CD247: variants seen among roughly 807,000 people sequenced by gnomAD.
The protein encoded by CD247 is T-cell surface glycoprotein CD3 zeta chain.
CD247 carries 13 observed loss-of-function variants against 30.0 expected under a neutral mutation model. The observed-to-expected ratio is 0.43, with a 90% CI of 0.28 to 0.69. The LOEUF (loss-of-function observed/expected upper bound fraction) is 0.69, where lower values mean the gene tolerates loss of function less well. CD247 is among the 30% of genes least tolerant of loss of function. The pLI is 0.16. For missense variants in CD247, 193 were observed against 212.6 expected (o/e 0.91, Z 0.57); for synonymous variants, 72 against 80.0 (o/e 0.90, Z 0.53).
chr1:167,466,767 AGCCCCTT>A (rs1653266838), intron 1 of CD247, among the ~76,000 whole-genome samples: 1 of 152,160 alleles, frequency 6.6e-6, no homozygotes, highest in South Asian at 2.1e-4. Flanking sequence ...AACAGGCTGG[AGCCCCTT>A]GATTAGTTAG....
intron 1 of CD247, among the ~76,000 whole-genome samples, chr1:167,449,810 C>T (rs946048654): frequency 6.6e-6 from 1 of 152,008 alleles, no homozygotes; most frequent in Non-Finnish European, 1.5e-5. Context: ...ATAATCCCAG[C>T]TACTTGGGAG....
chr1:167,461,798 A>G (rs1209643638), intron 1 of CD247, among the ~76,000 whole-genome samples: 1 of 151,996 alleles, frequency 6.6e-6, no homozygotes. Context: ...CAGTGAGCCG[A>G]GATCACGCCA....
intron 1 of CD247, among the ~76,000 whole-genome samples, chr1:167,504,154 C>A (rs2102104142): frequency 6.6e-6 from 1 of 152,298 alleles, no homozygotes; most frequent in African/African-American, 2.4e-5. Context: ...TCCTGCTAGC[C>A]ATGGACCCCC....
intron 4 of CD247, among the ~76,000 whole-genome samples, chr1:167,437,750 C>T (rs1651617462): frequency 6.6e-6 from 1 of 152,124 alleles, no homozygotes; most frequent in Non-Finnish European, 1.5e-5. Context: ...TCACAGGGTA[C>T]AAAGCCTCAA....
At chr1:167,499,417 G>A (rs772737846) in intron 1 of CD247, among the ~76,000 whole-genome samples, 1 of 152,118 alleles carries the variant, frequency 6.6e-6, no homozygotes, top group African/African-American at 2.4e-5. Flanking sequence ...TTTTATTTCT[G>A]GGAAATTGTT....
At position 167,438,593 on chromosome 1, in the gene CD247, C is replaced by A. The variant is rs770320255; in HGVS notation, c.277G>T (p.Asp93Tyr). 3 of 1,614,066 alleles carry A rather than the reference C, an allele frequency of 1.9e-6. No homozygotes were observed. In the Admixed American group the frequency reaches 5.0e-5, roughly 27 times the overall value. ...YDVLDKRRGRDPEMGGKPQRR... is the reference protein window; with the variant it reads ...YDVLDKRRGRYPEMGGKPQRR... ...ACCGGCTTTCCCCCCATCTCAGGGT[C>A]CCGGCCACGTCTCTTGTCCAAAACA... The change falls in exon 4 of 8, where the codon GAC becomes TAC. Residue 93 changes from aspartate to tyrosine, a missense_variant. Asp to Tyr is a radical substitution (Grantham distance 160). Coordinates refer to ENST00000362089, the MANE Select transcript of CD247 (RefSeq NM_198053.3).
chr1:167,459,637 G>C (rs1238912401), intron 1 of CD247: 2 of 152,216 alleles, frequency 1.3e-5, no homozygotes, highest in Non-Finnish European at 2.9e-5. Context: ...ATAGGCTTGA[G>C]CCACTGTGCC....
At chr1:167,500,186 T>C (rs557114607) in intron 1 of CD247, among the ~76,000 whole-genome samples, 2 of 152,332 alleles carry the variant, frequency 1.3e-5, no homozygotes, top group African/African-American at 4.8e-5. Context: ...AAGAGGACAA[T>C]ATATCGCACT....
At position 167,484,378 on chromosome 1, in the gene CD247, G is replaced by A. The variant is rs534509718; in HGVS notation, c.58+34030C>T. ...ACAGCAGGGGCTTCTCCAGCTCCCT[G>A]AAGTCCCCTCTGTACACCCTTCCCC... On this transcript the variant is annotated intron_variant, in intron 1 of 7. Coordinates refer to ENST00000362089, the MANE Select transcript of CD247 (RefSeq NM_198053.3). Among the ~76,000 whole-genome samples the A allele has an allele frequency of 2.6e-5, 4 of 152,314 alleles. No homozygotes were observed. In the South Asian group the frequency reaches 8.3e-4, roughly 32 times the overall value.
At chr1:167,496,563 T>G (rs1328179902) in intron 1 of CD247, among the ~76,000 whole-genome samples, 1 of 152,160 alleles carries the variant, frequency 6.6e-6, no homozygotes, top group African/African-American at 2.4e-5. Context: ...AGAGTCTGAC[T>G]CTACAGAGCG....
At chr1:167,460,746 G>T (rs944824964) in intron 1 of CD247, among the ~76,000 whole-genome samples, 5 of 152,030 alleles carry the variant, frequency 3.3e-5, no homozygotes, top group Non-Finnish European at 7.4e-5. Context: ...CCAGCCCCCT[G>T]ACCCCCCGAC....
intron 1 of CD247, among the ~76,000 whole-genome samples, chr1:167,462,275 G>A (rs1653053588): frequency 6.6e-6 from 1 of 152,220 alleles, no homozygotes; most frequent in South Asian, 2.1e-4. Context: ...TTACCAGCCA[G>A]CGTCCCTGAA....
At chr1:167,441,998 C>T (rs1247419352) in intron 1 of CD247, among the ~76,000 whole-genome samples, 1 of 152,114 alleles carries the variant, frequency 6.6e-6, no homozygotes, top group East Asian at 1.9e-4. Flanking sequence ...TTGATCACAG[C>T]CACTCTGGAG....
chr1:167,455,017 A>G (rs988434662), intron 1 of CD247, among the ~76,000 whole-genome samples: 1 of 152,094 alleles, frequency 6.6e-6, no homozygotes, highest in Non-Finnish European at 1.5e-5. Flanking sequence ...GAGCTCCCCG[A>G]GCCGGGGCCA....
intron 1 of CD247, among the ~76,000 whole-genome samples, chr1:167,461,510 A>G (rs1653004109): frequency 6.6e-6 from 1 of 152,182 alleles, no homozygotes; most frequent in East Asian, 1.9e-4. Flanking sequence ...GCTTTCCCTT[A>G]TTTTCCAAGT....
chr1:167,434,171 C>T (rs1365348192), intron 5 of CD247, 95 bp from the exon 6 acceptor site: 10 of 1,116,028 alleles, frequency 9.0e-6, no homozygotes, highest in Non-Finnish European at 1.2e-5. Context: ...CCCAAGTTGG[C>T]AGCAGTGGCA....
rs756693725 is a variant in CD247, at chr1:167,439,318, G to A, written c.219+26C>T. On this transcript the variant is annotated intron_variant, in intron 3 of 7. Coordinates refer to ENST00000362089, the MANE Select transcript of CD247 (RefSeq NM_198053.3). Reference sequence around the variant, plus strand: ...AGGAGGAGGCTGCCCTTCCTTTCCGGAGGGTCTACGGCGAGGCTGACTTAC... The same window carrying A: ...AGGAGGAGGCTGCCCTTCCTTTCCGAAGGGTCTACGGCGAGGCTGACTTAC... The A allele has an allele frequency of 1.7e-5, 28 of 1,610,478 alleles. No homozygotes were observed. In the South Asian group the frequency reaches 2.9e-4, roughly 16 times the overall value.
intron 1 of CD247, among the ~76,000 whole-genome samples, chr1:167,479,732 T>C (rs2102061919): frequency 6.6e-6 from 1 of 152,294 alleles, no homozygotes; most frequent in Middle Eastern, 3.4e-3. Context: ...ACCCTCTCCC[T>C]GTCTGGACTG....
At chr1:167,458,401 C>T (rs1437958483) in intron 1 of CD247, 1 of 152,386 alleles carries the variant, frequency 6.6e-6, no homozygotes, top group East Asian at 1.9e-4. Flanking sequence ...AGGCCTAGCC[C>T]CTGCTGGGGC....
Sources: allele counts gnomAD v4.1 joint callset (sites outside exome capture counted in the v4.1 genomes callset), GRCh38; gene constraint gnomAD v4.1.1; transcripts MANE v1.5; gene names NCBI Gene and HGNC (gene_info 2026-07-23, HGNC 2026-07-21).